Variants in PRSS23 observed in about 807,000 individuals in gnomAD.
PRSS23 encodes serine protease 23, also known as protease, serine 23.
Under a neutral mutation model 34.7 loss-of-function variants are expected in PRSS23, and 25 were observed. The ratio of observed to expected loss-of-function variants is 0.72; its 90% CI spans 0.53 to 1.01. The LOEUF is 1.01. Ranked by LOEUF, PRSS23 falls within the 50% of genes least tolerant of loss-of-function variation. The pLI is 0.00. For missense variants in PRSS23, 445 were observed against 475.6 expected (o/e 0.94, Z 0.60); for synonymous variants, 176 against 186.6 (o/e 0.94, Z 0.46).
At chr11:86,879,752 G>A (rs535019403) in intron 2 of PRSS23, among the ~76,000 whole-genome samples, 23 of 125,736 alleles carry the variant, frequency 1.8e-4, no homozygotes, top group Middle Eastern at 4.5e-3. Flanking sequence ...CCGGCCAGCC[G>A]CCCCGTCCGG....
chr11:86,826,286 C>G (rs1212425292), intron 2 of PRSS23, among the ~76,000 whole-genome samples: 1 of 151,652 alleles, frequency 6.6e-6, no homozygotes, highest in Non-Finnish European at 1.5e-5. Flanking sequence ...TGATTTGGCT[C>G]TCTGTTTGTC....
chr11:86,823,898 C>G (rs962610144), intron 2 of PRSS23, among the ~76,000 whole-genome samples: 2 of 141,584 alleles, frequency 1.4e-5, no homozygotes, highest in African/African-American at 5.3e-5. Flanking sequence ...CCCAGCTACT[C>G]GGGAGGCTGA....
chr11:86,816,486 A>C (rs1164732828), intron 1 of PRSS23, among the ~76,000 whole-genome samples: 7 of 152,152 alleles, frequency 4.6e-5, no homozygotes. Flanking sequence ...CTTCCCCTAC[A>C]TTTTAATAAG....
At chr11:86,813,149 A>G (rs925951004), downstream of PRSS23, among the ~76,000 whole-genome samples, 4 of 152,150 alleles carry the variant, frequency 2.6e-5, no homozygotes, top group African/African-American at 9.7e-5. Flanking sequence ...GCCCTTAACT[A>G]TGGTGATATA....
At chr11:86,874,842 G>C (rs552208531) in intron 2 of PRSS23, among the ~76,000 whole-genome samples, 3 of 152,188 alleles carry the variant, frequency 2.0e-5, no homozygotes, top group Non-Finnish European at 4.4e-5. Flanking sequence ...TGGCCGAAGG[G>C]CTGAGTCATC....
At chr11:86,922,109 A>G (rs1343250980) in intron 2 of PRSS23, 1 of 152,184 alleles carries the variant, frequency 6.6e-6, no homozygotes, top group East Asian at 1.9e-4. Context: ...CTGGAATGGA[A>G]AGTTATTATT....
intron 2 of PRSS23, chr11:86,833,540 G>T (rs772132504): frequency 3.9e-6 from 1 of 255,204 alleles, no homozygotes; most frequent in Non-Finnish European, 7.6e-6. Context: ...CATACAAAGG[G>T]AGGGGATCCA....
intron 2 of PRSS23, among the ~76,000 whole-genome samples, chr11:86,899,256 C>T (rs1212483454): frequency 2.0e-5 from 3 of 152,156 alleles, no homozygotes; most frequent in Non-Finnish European, 2.9e-5. Context: ...TGGCTTCTCA[C>T]ACCTGTAATA....
chr11:86,826,226 T>A (rs1948299646), intron 2 of PRSS23, among the ~76,000 whole-genome samples: 1 of 151,688 alleles, frequency 6.6e-6, no homozygotes, highest in South Asian at 2.1e-4. Context: ...CTAGGTATTT[T>A]ATTCTCTTTG....
intron 2 of PRSS23, among the ~76,000 whole-genome samples, chr11:86,835,892 T>G (rs758886422): frequency 3.3e-5 from 5 of 151,714 alleles, no homozygotes; most frequent in Non-Finnish European, 7.4e-5. Flanking sequence ...AGGACAAGAG[T>G]GTCCAGGTAT....
intron 2 of PRSS23, among the ~76,000 whole-genome samples, chr11:86,922,957 G>A (rs537193180): frequency 6.6e-6 from 1 of 152,124 alleles, no homozygotes; most frequent in Non-Finnish European, 1.5e-5. Flanking sequence ...TGATTGTGCT[G>A]TGAATGCAAA....
At chr11:86,825,257 T>C (rs1471301455) in intron 2 of PRSS23, among the ~76,000 whole-genome samples, 2 of 152,094 alleles carry the variant, frequency 1.3e-5, no homozygotes, top group African/African-American at 2.4e-5. Context: ...TTCATGTGTC[T>C]TTTGGCTGCA....
intron 2 of PRSS23, among the ~76,000 whole-genome samples, chr11:86,942,225 A>G (rs1949211996): frequency 6.6e-6 from 1 of 152,216 alleles, no homozygotes; most frequent in Non-Finnish European, 1.5e-5. Context: ...ATGTCTTCCC[A>G]GGAAAGATGA....
upstream of PRSS23, among the ~76,000 whole-genome samples, chr11:86,799,667 GGA>G (rs1948006506): frequency 5.3e-5 from 8 of 152,166 alleles, no homozygotes; most frequent in Admixed American, 3.9e-4. Flanking sequence ...AGCCTGGTTA[GGA>G]GAGGACTCCC....
chr11:86,871,461 C>T (rs1948683879), intron 2 of PRSS23, among the ~76,000 whole-genome samples: 1 of 152,152 alleles, frequency 6.6e-6, no homozygotes, highest in Admixed American at 6.5e-5. Context: ...TGGGTTCTCT[C>T]TGCATATTTT....
chr11:86,799,694 C>T (rs188067314), upstream of PRSS23, among the ~76,000 whole-genome samples: 60 of 151,908 alleles, frequency 3.9e-4, no homozygotes, highest in African/African-American at 1.4e-3. Context: ...CACCCCCCTA[C>T]CCTGGCCCCC....
intron 2 of PRSS23, among the ~76,000 whole-genome samples, chr11:86,856,411 G>A (rs764365180): frequency 6.6e-6 from 1 of 151,674 alleles, no homozygotes; most frequent in Non-Finnish European, 1.5e-5. Context: ...TCATGTCTAA[G>A]CTCCCCAGGT....
intron 2 of PRSS23, among the ~76,000 whole-genome samples, chr11:86,848,904 C>T (rs745557925): frequency 2.6e-5 from 4 of 152,172 alleles, no homozygotes; most frequent in African/African-American, 9.7e-5. Context: ...GTTATCAGTG[C>T]GGTTTGCAAG....
chr11:86,903,457 G>A (rs1948923388), intron 2 of PRSS23, among the ~76,000 whole-genome samples: 1 of 147,354 alleles, frequency 6.8e-6, no homozygotes, highest in South Asian at 2.2e-4. Context: ...TGTTCCTTAA[G>A]TATTGTAATT....
Sources: allele counts gnomAD v4.1 joint callset (sites outside exome capture counted in the v4.1 genomes callset), GRCh38; gene constraint gnomAD v4.1.1; transcripts MANE v1.5; gene names NCBI Gene and HGNC (gene_info 2026-07-23, HGNC 2026-07-21).